The following CCT6B variants were observed in gnomAD, a reference collection of about 807,000 sequenced individuals.
CCT6B encodes probable T-complex protein 1 subunit zeta-2.
CCT6B carries 49 observed loss-of-function variants against 61.5 expected under a neutral mutation model. The ratio of observed to expected loss-of-function variants is 0.80; its 90% CI spans 0.63 to 1.01. CCT6B has a LOEUF of 1.01. Ranked by LOEUF, CCT6B falls within the 50% of genes least tolerant of loss-of-function variation. The probability of loss-of-function intolerance (pLI) is 0.00; values close to 1 mark genes in which losing one functional copy is unlikely to be tolerated. For synonymous variants in CCT6B, 228 were observed against 214.5 expected, an observed-to-expected ratio of 1.06 and a Z score of -0.55; for missense variants, 666 against 634.7, an observed-to-expected ratio of 1.05 and a Z score of -0.53.
At chr17:34,959,472 C>T (rs1477899307) in intron 2 of CCT6B, 115 bp downstream of exon 2, 4 of 751,826 alleles carry the variant, frequency 5.3e-6, no homozygotes, top group African/African-American at 1.7e-5. Context: ...CAGTCTTCAG[C>T]ATATCTCAAG....
Position 34,940,616 on chromosome 17 carries a change from AAT to A in CCT6B, c.889_890del (p.Ile297Ter). 6.8e-7 allele frequency: 1 copy of A among 1,470,536 alleles called. No homozygotes were observed. The highest frequency in any genetic ancestry group is 9.4e-7 in the Non-Finnish European group (1 of 1,066,226). The allele number at this position is 1,470,536 out of a possible 1,614,324, so 91.1% of individuals were successfully genotyped here. ...CAAGAGAATCTAAGGAAAATGGATC[AAT>A]TCCCTATAATCAAATTAACATAAAA... ...KGFVVINQKGIDPFSLDSLAK... is the reference protein window; with the variant it reads ...KGFVVINQKGXDPFSLDSLAK... On this transcript the variant is annotated frameshift_variant, in exon 8 of 14. Transcript: ENST00000314144. LOFTEE classifies it high-confidence loss of function.
chr17:34,948,952 T>G (rs1028712641), intron 5 of CCT6B, among the ~76,000 whole-genome samples: 29 of 151,384 alleles, frequency 1.9e-4, no homozygotes, highest in African/African-American at 6.6e-4. Flanking sequence ...GGAGGATCAC[T>G]TGAGCCCAGG....
At chr17:34,949,099 AAGAAAAG>A (rs368167157) in intron 5 of CCT6B, among the ~76,000 whole-genome samples, 1 of 143,252 alleles carries the variant, frequency 7.0e-6, no homozygotes, top group African/African-American at 2.6e-5. Flanking sequence ...GGGGAGGGAA[AAGAAAAG>A]AGAAAAGAAA....
At chr17:34,928,304 C>G (rs2089992521) in intron 13 of CCT6B, among the ~76,000 whole-genome samples, 187 bp from the exon 14 acceptor site, 1 of 150,876 alleles carries the variant, frequency 6.6e-6, no homozygotes, top group Non-Finnish European at 1.5e-5. Context: ...TGGAGTTTCA[C>G]TCTTGTTGCC....
In CCT6B at chr17:34,928,017, C is replaced by A; in HGVS notation, c.*31G>T. 1.3e-6 allele frequency: 2 copies of A among 1,546,516 alleles called. No homozygotes were observed. Among genetic ancestry groups the A allele is most frequent in the Non-Finnish European group, 1.8e-6 (2 of 1,123,930 alleles). ...AGATGTAAAGTGTACTAAATTTCATCTTCTAGAAGGGTTGATTTTGAATTC... is the reference window on the plus strand; with the variant it reads ...AGATGTAAAGTGTACTAAATTTCATATTCTAGAAGGGTTGATTTTGAATTC... On this transcript the variant is annotated 3_prime_UTR_variant, in exon 14 of 14. Transcript: ENST00000314144.
intron 9 of CCT6B, 130 bp from the exon 10 acceptor site, chr17:34,939,460 G>C (rs1315758674): frequency 1.2e-6 from 1 of 855,224 alleles, no homozygotes; most frequent in Non-Finnish European, 1.8e-6. Context: ...AGTTATATCT[G>C]AACTCTTAAC....
chr17:34,939,647 T>G lies in CCT6B; in HGVS notation c.1035A>C (p.Gly345=), dbSNP rs554242719. Residue 345 remains glycine, a synonymous_variant, in exon 9 of 14, where the codon GGA becomes GGC. Transcript: ENST00000314144. ...SFEDLTVDCL[G]HAGLVYEYTL... is the part of the protein sequence containing the mutation. ...TATACTCATACACAAGACCAGCATG[T>G]CCCAAGCAATCTACAGTGAGATCTT... 3.7e-6 allele frequency: 6 copies of G among 1,612,326 alleles called. No individual in the cohort carries two copies. The African/African-American group carries it at 6.7e-5, about 18-fold the overall frequency.
chr17:34,932,555 G>A, intron 10 of CCT6B, 55 bp from the exon 11 acceptor site: 1 of 1,499,912 alleles, frequency 6.7e-7, no homozygotes, highest in Non-Finnish European at 9.0e-7. Context: ...CCAAAAGAGA[G>A]AGAGAGACAG....
chr17:34,934,578 T>C (rs1341638642), intron 10 of CCT6B, among the ~76,000 whole-genome samples: 1 of 152,160 alleles, frequency 6.6e-6, no homozygotes, highest in African/African-American at 2.4e-5. Flanking sequence ...GGACAAATTC[T>C]TGAAAGACTA....
rs748404844 is a variant in CCT6B at position 34,942,470 on chromosome 17, ACTTT to A, written c.885+10_885+13del. On this transcript the variant is annotated intron_variant, in intron 7 of 13. Transcript: ENST00000314144. ...ACATTTACAAATAACTAAAATCTAA[ACTTT>A]CTTTCTCACCTTTTGATTAATGACG... 2.2e-5 allele frequency: 34 copies of A among 1,577,800 alleles called. No homozygotes were observed. The highest frequency in any genetic ancestry group is 2.7e-5 in the Non-Finnish European group (32 of 1,167,834).
intron 4 of CCT6B, among the ~76,000 whole-genome samples, chr17:34,953,366 T>C (rs2090314266): frequency 6.7e-6 from 1 of 149,970 alleles, no homozygotes; most frequent in Non-Finnish European, 1.5e-5. Flanking sequence ...AGTTTCACTC[T>C]GTCACCCAGG....
At chr17:34,947,910 G>T (rs1477493370) in intron 5 of CCT6B, among the ~76,000 whole-genome samples, 2 of 150,522 alleles carry the variant, frequency 1.3e-5, no homozygotes, top group Non-Finnish European at 2.9e-5. Flanking sequence ...CTGGCAAGCG[G>T]AAGTTGCAGT....
rs776120456 is a variant in CCT6B at position 34,954,474 on chromosome 17, T to C, written c.462A>G (p.Thr154=). 64 of 1,612,852 alleles carry C rather than the reference T, an allele frequency of 4.0e-5. 2 individuals are homozygous for C. In the South Asian group the frequency reaches 6.4e-4, roughly 16 times the overall value. ...KRKILLDVAR[T]SLQTKVHAEL... is the part of the protein sequence containing the mutation. ...CAGCATGAACTTTAGTTTGTAATGA[T>C]GTTCTAGCTACATCTAAGAGGATTT... Residue 154 remains threonine, a synonymous_variant, in exon 4 of 14, where the codon ACA becomes ACG. Coordinates refer to ENST00000314144, the MANE Select transcript of CCT6B (RefSeq NM_006584.4).
intron 3 of CCT6B, among the ~76,000 whole-genome samples, chr17:34,955,297 T>A (rs1340532227): frequency 3.3e-5 from 5 of 152,226 alleles, no homozygotes; most frequent in Non-Finnish European, 5.9e-5. Flanking sequence ...TGGTGAAGTT[T>A]GAATAGAATG....
chr17:34,931,118 T>C (rs557436680), intron 11 of CCT6B, 67 bp from the exon 12 acceptor site: 1 of 474,916 alleles, frequency 2.1e-6, no homozygotes, highest in East Asian at 5.0e-5. Flanking sequence ...ATATCAAATA[T>C]AAAAATACTC....
At chr17:34,955,660 C>T (rs949010611) in intron 3 of CCT6B, among the ~76,000 whole-genome samples, 3 of 152,158 alleles carry the variant, frequency 2.0e-5, no homozygotes, top group African/African-American at 7.2e-5. Flanking sequence ...AAAGCTAGCA[C>T]TTGGTCTAAT....
At position 34,951,947 on chromosome 17, in the gene CCT6B, T is replaced by C. The variant is rs751556745; in HGVS notation, c.614+3A>G. 6.9e-7 allele frequency: 1 copy of C among 1,456,596 alleles called. No individual in the cohort carries two copies. The highest frequency in any genetic ancestry group is 1.2e-5 in the South Asian group (1 of 82,724). The allele number at this position is 1,456,596 out of a possible 1,614,324, so 90.2% of individuals were successfully genotyped here. A position where few individuals can be genotyped will look rare whatever the true frequency, so the allele number is the denominator to read the frequency against. On this transcript the variant is annotated splice_donor_region_variant and intron_variant, in intron 5 of 13. Coordinates refer to ENST00000314144, the MANE Select transcript of CCT6B (RefSeq NM_006584.4). ...ATATGTTGTCAAAGCTTATGTAATT[T>C]ACTTTGTATCTGTTCCTAATTTATG...
rs1157440776 is a variant in CCT6B, at chr17:34,928,100, T to C, written c.1541A>G (p.Asn514Ser). The stretch of plus-strand genomic sequence containing the variant: ...CATAATTTCATCAACCAGGAGAATG[T>C]TGGTGGCAATCACTGTGCTAAGGAA... ...LLHSCTVIATNILLVDEIMRA... is the reference protein window; with the variant it reads ...LLHSCTVIATSILLVDEIMRA... The change falls in exon 14 of 14, where the codon AAC becomes AGC. Residue 514 changes from asparagine to serine, a missense_variant. Coordinates refer to ENST00000314144, the MANE Select transcript of CCT6B (RefSeq NM_006584.4). 6.2e-7 allele frequency: 1 copy of C among 1,612,126 alleles called. No individual in the cohort carries two copies.
At position 34,961,323 on chromosome 17, in the gene CCT6B, A is replaced by T. The variant is rs749308014; in HGVS notation, c.71T>A (p.Ile24Lys). 1 of 1,612,984 alleles carries T rather than the reference A, an allele frequency of 6.2e-7. No homozygotes were observed. Among genetic ancestry groups the T allele is most frequent in the Non-Finnish European group, 8.5e-7 (1 of 1,179,892 alleles). The change falls in exon 1 of 14, where the codon ATA (isoleucine) becomes AAA (lysine). Residue 24 changes from isoleucine to lysine, a missense_variant. Physicochemically the swap from Ile to Lys is moderately radical, Grantham distance 102. Transcript: ENST00000314144. ...ATCCTGCAGCCCTCGGGCGGCGCAT[A>T]TATTGACAGCCAAAGCTGCCCGGGC... is the stretch of plus-strand genomic sequence containing the variant. The part of the protein sequence containing the change: ...ARARAALAVN[I>K]CAARGLQDVL...
Sources: allele counts gnomAD v4.1 joint callset (sites outside exome capture counted in the v4.1 genomes callset), GRCh38; gene constraint gnomAD v4.1.1; transcripts MANE v1.5; gene names NCBI Gene and HGNC (gene_info 2026-07-23, HGNC 2026-07-21).